The following MED23 variants were observed in gnomAD, a reference collection of about 807,000 sequenced individuals.
MED23 encodes the protein mediator complex subunit 23.
Under a neutral mutation model 163.9 loss-of-function variants are expected in MED23, and 105 were observed. The ratio of observed to expected loss-of-function variants is 0.64; its 90% CI spans 0.55 to 0.75. MED23 has a LOEUF of 0.75. Ranked by LOEUF, MED23 falls within the 30% of genes least tolerant of loss-of-function variation. The pLI, the probability that MED23 is intolerant of heterozygous loss-of-function variation, is 0.00. For missense variants in MED23, 1,054 were observed against 1,649.0 expected (o/e 0.64, Z 6.25); for synonymous variants, 561 against 565.6 (o/e 0.99, Z 0.12).
rs142367668 is a variant in MED23, at chr6:131,575,399, T to C, written c.4096-1104A>G. On this transcript the variant is annotated intron_variant, in intron 30 of 30. Transcript: ENST00000354577. ...AAACATGAACCAAGCAGCACCCTAT[T>C]GGGGTTGAAAGAAGGAGAAATCATG... is the stretch of plus-strand genomic sequence containing the variant. Among the ~76,000 whole-genome samples, 21 of 152,172 alleles carry C rather than the reference T, an allele frequency of 1.4e-4. No individual in the cohort carries two copies. The East Asian group carries it at 4.1e-3, about 29-fold the overall frequency.
downstream of MED23, chr6:131,583,012 G>A (rs745838058): frequency 7.4e-7 from 1 of 1,344,744 alleles, no homozygotes; most frequent in Non-Finnish European, 1.1e-6. Flanking sequence ...AGACAGGCGG[G>A]CACAGTCAGC....
intron 30 of MED23, among the ~76,000 whole-genome samples, chr6:131,577,906 A>G (rs1412799951): frequency 7.0e-6 from 1 of 143,300 alleles, no homozygotes; most frequent in Non-Finnish European, 1.5e-5. Context: ...TCCATCTCCA[A>G]AAAAAAAAAA....
At chr6:131,595,225 CT>C (rs923667086) in intron 22 of MED23, among the ~76,000 whole-genome samples, 4 of 152,186 alleles carry the variant, frequency 2.6e-5, no homozygotes, top group African/African-American at 9.7e-5. Flanking sequence ...TTTCAATATT[CT>C]CCTTATAACC....
At position 131,621,995 on chromosome 6, in the gene MED23, A is replaced by C. The variant is rs1304711466; in HGVS notation, c.397-16T>G. On this transcript the variant is annotated splice_polypyrimidine_tract_variant and intron_variant, in intron 5 of 28. Transcript: ENST00000368068. The stretch of plus-strand genomic sequence containing the variant: ...CTCGAACACCCTGATATAAGAAAAA[A>C]GACATGGGTTAAAATTAAGTAGTGT... 1.3e-6 allele frequency: 2 copies of C among 1,582,364 alleles called. No homozygotes were observed. The highest frequency in any genetic ancestry group is 8.7e-7 in the Non-Finnish European group (1 of 1,151,198).
intron 30 of MED23, chr6:131,581,325 G>A: frequency 6.2e-7 from 1 of 1,613,874 alleles, no homozygotes; most frequent in Non-Finnish European, 8.5e-7. Flanking sequence ...AACCACAAGT[G>A]GAAACTTGCA....
intron 7 of MED23, 35 bp downstream of exon 7, chr6:131,620,593 A>T (rs1038809910): frequency 1.3e-6 from 2 of 1,521,690 alleles, no homozygotes; most frequent in East Asian, 2.3e-5. Context: ...CCAGCCGAAA[A>T]TTTTTATTAA....
intron 30 of MED23, chr6:131,581,125 C>T (rs1773898416): frequency 7.6e-7 from 1 of 1,318,132 alleles, no homozygotes; most frequent in African/African-American, 1.4e-5. Flanking sequence ...CACTGTGACT[C>T]AAAGGAAAAC....
At chr6:131,599,923 A>T (rs2114640487) in intron 18 of MED23, 115 bp downstream of exon 18, 2 of 1,295,946 alleles carry the variant, frequency 1.5e-6, no homozygotes. Flanking sequence ...AATATTTTTT[A>T]AAATAAATAA....
intron 17 of MED23, among the ~76,000 whole-genome samples, chr6:131,601,245 C>G (rs1775456260): frequency 6.6e-6 from 1 of 152,038 alleles, no homozygotes. Context: ...CTGTATCTAC[C>G]ACGACATGAT....
intron 2 of MED23, 43 bp downstream of exon 2, chr6:131,627,598 A>G: frequency 6.2e-7 from 1 of 1,609,800 alleles, no homozygotes; most frequent in Non-Finnish European, 8.5e-7. Context: ...TCTGACAGAC[A>G]CAATCACATA....
intron 30 of MED23, among the ~76,000 whole-genome samples, chr6:131,577,765 C>T (rs901125385): frequency 3.3e-5 from 5 of 151,548 alleles, no homozygotes; most frequent in African/African-American, 1.2e-4. Flanking sequence ...AATAGCTGGG[C>T]GTGGTGGCAT....
At chr6:131,603,718 A>G (rs751819023) in intron 15 of MED23, among the ~76,000 whole-genome samples, 2 of 152,216 alleles carry the variant, frequency 1.3e-5, no homozygotes, top group Admixed American at 1.3e-4. Flanking sequence ...AAACACTTCT[A>G]TATCAGAAAG....
intron 28 of MED23, 30 bp downstream of exon 28, chr6:131,589,435 A>G: frequency 6.3e-7 from 1 of 1,586,704 alleles, no homozygotes; most frequent in East Asian, 2.3e-5. Flanking sequence ...ATTAAACATC[A>G]TTAAAAATAA....
intron 23 of MED23, 104 bp from the exon 24 acceptor site, chr6:131,593,275 A>AGAGGCAAATGC (rs1562372960): frequency 2.6e-5 from 37 of 1,396,460 alleles, no homozygotes; most frequent in Admixed American, 3.7e-5. Flanking sequence ...AGAGAGATTA[A>AGAGGCAAATGC]GAGGCAAATG....
Position 131,581,310 on chromosome 6 carries a change from C to T in MED23, c.4095+6399G>A, listed in dbSNP as rs769778089. On this transcript the variant is annotated intron_variant, in intron 30 of 30. Transcript: ENST00000354577. ...TGCTCACACTGATATCAACACTCCA[C>T]TGACAACCACAAGTGGAAACTTGCA... The T allele has an allele frequency of 6.2e-7, 1 of 1,613,960 alleles. No individual in the cohort carries two copies. The highest frequency in any genetic ancestry group is 1.3e-5 in the African/African-American group (1 of 75,064).
At chr6:131,626,623 A>G (rs952269529) in intron 3 of MED23, among the ~76,000 whole-genome samples, 4 of 152,212 alleles carry the variant, frequency 2.6e-5, no homozygotes, top group Admixed American at 1.3e-4. Flanking sequence ...AATAACAGGT[A>G]AGAGAAGAGA....
intron 11 of MED23, among the ~76,000 whole-genome samples, chr6:131,609,506 CTTTTTTTTTTTTTT>C (rs71030751): frequency 2.0e-5 from 2 of 98,016 alleles, no homozygotes; most frequent in African/African-American, 9.0e-5. Flanking sequence ...GAGACTATTC[CTTTTTTTTTTTTTT>C]TTTTTTTTTT....
intron 20 of MED23, among the ~76,000 whole-genome samples, chr6:131,597,912 C>A (rs1411142505): frequency 6.6e-6 from 1 of 151,884 alleles, no homozygotes; most frequent in Admixed American, 6.6e-5. Flanking sequence ...ATGGAGAAAC[C>A]CCATCTCTAT....
intron 30 of MED23, chr6:131,579,528 A>G (rs1222695704): frequency 5.3e-6 from 2 of 377,456 alleles, no homozygotes; most frequent in Non-Finnish European, 9.6e-6. Context: ...ATATGAATGG[A>G]TTTCATCTAA....
Sources: allele counts gnomAD v4.1 joint callset (sites outside exome capture counted in the v4.1 genomes callset), GRCh38; gene constraint gnomAD v4.1.1; transcripts MANE v1.5; gene names NCBI Gene and HGNC (gene_info 2026-07-23, HGNC 2026-07-21).